Variants in TFCP2 observed in about 807,000 individuals in gnomAD.
The protein encoded by TFCP2 is transcription factor CP2.
A neutral mutation model predicts 73.4 loss-of-function variants in TFCP2; 33 were observed. That is an observed-to-expected ratio of 0.45 (90% CI 0.34 to 0.60). TFCP2 has a LOEUF of 0.60. Ranked by LOEUF, TFCP2 falls within the 20% of genes least tolerant of loss-of-function variation. The pLI is 0.01. For synonymous variants in TFCP2, 193 were observed against 211.6 expected (o/e 0.91, Z 0.76); for missense variants, 352 against 604.0 (o/e 0.58, Z 4.37).
At chr12:51,121,469 ATTT>A (rs34031215) in intron 1 of TFCP2, among the ~76,000 whole-genome samples, 5 of 137,150 alleles carry the variant, frequency 3.6e-5, no homozygotes, top group Non-Finnish European at 7.7e-5. Context: ...GAATCCAGTG[ATTT>A]TTTTTTTTTT....
At position 51,099,682 on chromosome 12, in the gene TFCP2, C is replaced by T; in HGVS notation, c.1249G>A (p.Asp417Asn). 1 of 1,614,178 alleles carries T rather than the reference C, an allele frequency of 6.2e-7. No individual in the cohort carries two copies. Among genetic ancestry groups the T allele is most frequent in the Non-Finnish European group, 8.5e-7 (1 of 1,180,030 alleles). Residue 417 changes from aspartate (D) to asparagine (N), a missense_variant, in exon 12 of 15, where the codon GAT becomes AAT. Physicochemically the swap from Asp to Asn is conservative, Grantham distance 23. Coordinates refer to ENST00000257915, the MANE Select transcript of TFCP2 (RefSeq NM_005653.5). ...QQQQQQQKHE[D>N]GDSNGTFFVY... ...AAGAAAGTACCATTTGAGTCTCCAT[C>T]CTCATGCTTCTGCTGCTGTTGCTGC...
chr12:51,145,701 A>C (rs867201498), intron 1 of TFCP2, among the ~76,000 whole-genome samples: 1 of 150,812 alleles, frequency 6.6e-6, no homozygotes, highest in African/African-American at 2.4e-5. Context: ...TAATCCCAAC[A>C]CTTTGAGGTA....
At chr12:51,097,110 G>A (rs1225960382) in intron 13 of TFCP2, among the ~76,000 whole-genome samples, 3 of 151,582 alleles carry the variant, frequency 2.0e-5, no homozygotes, top group South Asian at 2.1e-4. Context: ...TTATAGGCAC[G>A]TGCCACCACA....
Position 51,125,554 on chromosome 12 carries a change from T to G in TFCP2, c.123-6782A>C, listed in dbSNP as rs571891364. 2.0e-5 allele frequency among the ~76,000 whole-genome samples: 3 copies of G among 152,370 alleles called. No homozygotes were observed. In the East Asian group the frequency reaches 5.8e-4, roughly 29 times the overall value. ...AAAGTAACTAATATACTCTGTTCTT[T>G]GCTTCTGCTTTCTTTAGCCCTTCTG... On this transcript the variant is annotated intron_variant, in intron 1 of 14. Coordinates refer to ENST00000257915, the MANE Select transcript of TFCP2 (RefSeq NM_005653.5).
intron 13 of TFCP2, among the ~76,000 whole-genome samples, chr12:51,097,430 T>C (rs1295009837): frequency 1.3e-5 from 2 of 151,736 alleles, no homozygotes; most frequent in African/African-American, 4.8e-5. Context: ...GTATTTTTAG[T>C]AGAGATGGGG....
At chr12:51,115,412 G>A (rs12312531) in intron 4 of TFCP2, among the ~76,000 whole-genome samples, 10,542 of 152,082 alleles carry the variant, frequency 0.069, 650 homozygotes, top group East Asian at 0.18. Context: ...GAGCCATCGC[G>A]CCCGGCCGAA....
chr12:51,102,976 C>T (rs915781722), intron 10 of TFCP2, among the ~76,000 whole-genome samples: 13 of 151,474 alleles, frequency 8.6e-5, no homozygotes, highest in African/African-American at 3.2e-4. Context: ...TTGTGTATTC[C>T]TACCACATCA....
intron 1 of TFCP2, among the ~76,000 whole-genome samples, chr12:51,164,596 C>CA (rs1565581322): frequency 1.5e-4 from 15 of 96,864 alleles, no homozygotes; most frequent in South Asian, 3.7e-4. Flanking sequence ...GACTCCATCT[C>CA]GAAAAAAAAA....
chr12:51,155,402 T>C (rs1941517164), intron 1 of TFCP2, among the ~76,000 whole-genome samples: 1 of 152,230 alleles, frequency 6.6e-6, no homozygotes, highest in Non-Finnish European at 1.5e-5. Context: ...CTATTGGTTT[T>C]GTCTCTCTGG....
intron 1 of TFCP2, among the ~76,000 whole-genome samples, chr12:51,160,824 A>T (rs1941631771): frequency 6.6e-6 from 1 of 152,188 alleles, no homozygotes; most frequent in South Asian, 2.1e-4. Context: ...GCATCTTATC[A>T]TTCTCTAGCT....
At chr12:51,103,953 C>G in intron 9 of TFCP2, 190 bp from the exon 10 acceptor site, 1 of 697,666 alleles carries the variant, frequency 1.4e-6, no homozygotes, top group East Asian at 2.7e-5. Flanking sequence ...CTATAAGCTG[C>G]TCAAATGGAA....
chr12:51,143,137 T>A (rs548465233), intron 1 of TFCP2, among the ~76,000 whole-genome samples: 2 of 152,016 alleles, frequency 1.3e-5, no homozygotes, highest in Non-Finnish European at 2.9e-5. Context: ...TTAACTCCCA[T>A]ACATTTAAGT....
chr12:51,154,819 A>G (rs1459188031), intron 1 of TFCP2, among the ~76,000 whole-genome samples: 1 of 152,186 alleles, frequency 6.6e-6, no homozygotes, highest in Non-Finnish European at 1.5e-5. Flanking sequence ...GAAACCTAGG[A>G]TAAGGGGGAA....
intron 1 of TFCP2, among the ~76,000 whole-genome samples, chr12:51,134,018 A>G (rs1941009460): frequency 1.3e-5 from 2 of 152,110 alleles, no homozygotes; most frequent in South Asian, 4.1e-4. Context: ...GAAAACAAAC[A>G]AAAAATGTCT....
At chr12:51,100,480 C>T (rs1273226985) in intron 11 of TFCP2, among the ~76,000 whole-genome samples, 1 of 152,176 alleles carries the variant, frequency 6.6e-6, no homozygotes, top group African/African-American at 2.4e-5. Flanking sequence ...TCACTTCCTT[C>T]CTTAAAATTT....
chr12:51,099,084 T>C (rs1452741877), intron 12 of TFCP2, among the ~76,000 whole-genome samples, 166 bp from the exon 13 acceptor site: 1 of 152,226 alleles, frequency 6.6e-6, no homozygotes, highest in East Asian at 1.9e-4. Context: ...GCAAGTTATT[T>C]AACATTCCTA....
chr12:51,145,445 A>G (rs1941276325), intron 1 of TFCP2, among the ~76,000 whole-genome samples: 1 of 151,126 alleles, frequency 6.6e-6, no homozygotes, highest in Non-Finnish European at 1.5e-5. Context: ...ACACACCTGT[A>G]ATTCCAGCTA....
At chr12:51,101,867 G>T in intron 11 of TFCP2, 68 bp downstream of exon 11, 1 of 1,006,622 alleles carries the variant, frequency 9.9e-7, no homozygotes, top group Non-Finnish European at 1.6e-6. Context: ...AGAGTATTGT[G>T]AAGAATTCCT....
At chr12:51,144,293 C>T (rs1440528931) in intron 1 of TFCP2, among the ~76,000 whole-genome samples, 2 of 152,080 alleles carry the variant, frequency 1.3e-5, no homozygotes, top group African/African-American at 4.8e-5. Context: ...CTTAGCCTTC[C>T]AAAATGCTGA....
Sources: allele counts gnomAD v4.1 joint callset (sites outside exome capture counted in the v4.1 genomes callset), GRCh38; gene constraint gnomAD v4.1.1; transcripts MANE v1.5; gene names NCBI Gene and HGNC (gene_info 2026-07-23, HGNC 2026-07-21).